The following KDM4C variants were observed in gnomAD, a reference collection of about 807,000 sequenced individuals.
The protein encoded by KDM4C is lysine demethylase 4C.
In KDM4C, 81 loss-of-function variants were observed where a neutral mutation model predicts 129.3. The ratio of observed to expected loss-of-function variants is 0.63; its 90% confidence interval spans 0.52 to 0.75. The LOEUF is 0.75. Among genes scored for constraint, KDM4C ranks in the 30% least tolerant of loss-of-function variants. KDM4C has a pLI of 0.00. For missense variants in KDM4C, 1,457 were observed against 1,304.0 expected, an observed-to-expected ratio of 1.12 and a Z score of -1.81; for synonymous variants, 573 against 456.1, an observed-to-expected ratio of 1.26 and a Z score of -3.26.
intron 9 of KDM4C, 93 bp downstream of exon 9, chr9:6,981,211 A>G (rs545459043): frequency 1.0e-5 from 10 of 958,828 alleles, no homozygotes; most frequent in South Asian, 5.8e-5. Flanking sequence ...TGCTTTTTCT[A>G]TTTATTCATC....
At chr9:7,120,616 T>A (rs1297654998) in intron 18 of KDM4C, among the ~76,000 whole-genome samples, 3 of 152,322 alleles carry the variant, frequency 2.0e-5, no homozygotes, top group African/African-American at 7.2e-5. Flanking sequence ...ACAACATGTC[T>A]TTGGAATCAG....
intron 3 of KDM4C, among the ~76,000 whole-genome samples, chr9:6,807,871 C>T (rs1830359974): frequency 3.4e-5 from 5 of 146,456 alleles, no homozygotes; most frequent in Admixed American, 1.3e-4. Context: ...CCTGGCCAGC[C>T]GCCCCGTCCG....
At chr9:7,063,050 A>G (rs115844755) in intron 17 of KDM4C, among the ~76,000 whole-genome samples, 141 of 152,296 alleles carry the variant, frequency 9.3e-4, no homozygotes, top group African/African-American at 3.3e-3. Context: ...ACTAGAGAAA[A>G]TGTTTCTGTT....
At position 6,970,704 on chromosome 9, in the gene KDM4C, T is replaced by A. The variant is rs551709056; in HGVS notation, c.922-10221T>A. 2.0e-5 allele frequency among the ~76,000 whole-genome samples: 3 copies of A among 152,352 alleles called. No homozygotes were observed. In the South Asian group the frequency reaches 6.2e-4, roughly 32 times the overall value. On this transcript the variant is annotated intron_variant, in intron 8 of 21. Coordinates refer to ENST00000381309, the MANE Select transcript of KDM4C (RefSeq NM_015061.6). ...TAGTTGAGAAGCCATTTTCAACTTA[T>A]GTCCTGTTCTTGGACAAAGGGAAGG...
At chr9:6,744,627 C>T (rs2130276059) in intron 1 of KDM4C, among the ~76,000 whole-genome samples, 1 of 152,268 alleles carries the variant, frequency 6.6e-6, no homozygotes, top group South Asian at 2.1e-4. Context: ...AATTCCTGGC[C>T]TCAAGCAATC....
intron 5 of KDM4C, among the ~76,000 whole-genome samples, chr9:6,868,169 A>T (rs1284082351): frequency 6.6e-6 from 1 of 151,818 alleles, no homozygotes; most frequent in East Asian, 1.9e-4. Context: ...ACCAGATAAA[A>T]AGCCCCCCGA....
intron 15 of KDM4C, among the ~76,000 whole-genome samples, chr9:7,042,051 T>C (rs1045122122): frequency 6.6e-6 from 1 of 152,120 alleles, no homozygotes; most frequent in African/African-American, 2.4e-5. Context: ...GACAATGTTA[T>C]ATTTATGTTA....
rs56306376 is a variant in KDM4C at position 7,087,274 on chromosome 9, CT to C, written c.2425-16401del. Among the ~76,000 whole-genome samples, 120 of 147,368 alleles carry C rather than the reference CT, an allele frequency of 8.1e-4. 1 individual carries two copies. The highest frequency in any genetic ancestry group is 2.4e-3 in the African/African-American group (96 of 40,290). Reference sequence around the variant, plus strand: ...TCCCATTTAGTTTTTAATATGAAGGCTTTTTTTTTTGAAAAAAGAAAAATAT... The same window carrying C: ...TCCCATTTAGTTTTTAATATGAAGGCTTTTTTTTTGAAAAAAGAAAAATAT... On this transcript the variant is annotated intron_variant, in intron 17 of 21. Coordinates refer to ENST00000381309, the MANE Select transcript of KDM4C (RefSeq NM_015061.6).
intron 4 of KDM4C, among the ~76,000 whole-genome samples, chr9:6,848,783 T>C (rs909945020): frequency 1.3e-5 from 2 of 152,226 alleles, no homozygotes; most frequent in African/African-American, 4.8e-5. Context: ...CCATCCATAT[T>C]GTTATACTGT....
intron 4 of KDM4C, among the ~76,000 whole-genome samples, chr9:6,827,848 T>A (rs546583769): frequency 1.0e-3 from 155 of 152,340 alleles, no homozygotes; most frequent in African/African-American, 3.5e-3. Flanking sequence ...CACAGCTCAT[T>A]TATCTGCTAG....
Position 7,169,787 on chromosome 9 carries a change from T to C in KDM4C, c.2902-11T>C. On this transcript the variant is annotated splice_polypyrimidine_tract_variant and intron_variant, in intron 20 of 21. Coordinates refer to ENST00000381309, the MANE Select transcript of KDM4C (RefSeq NM_015061.6). ...TTTTAATATGTATCATGTTATATTATCTTTCATTAGGTTGAGTTTGAAGAT... is the reference window on the plus strand; with the variant it reads ...TTTTAATATGTATCATGTTATATTACCTTTCATTAGGTTGAGTTTGAAGAT... The C allele has an allele frequency of 6.3e-7, 1 of 1,594,500 alleles. No homozygotes were observed. Among genetic ancestry groups the C allele is most frequent in the Non-Finnish European group, 8.6e-7 (1 of 1,164,516 alleles).
intron 9 of KDM4C, 140 bp from the exon 10 acceptor site, chr9:6,984,026 G>A (rs557246933): frequency 6.9e-6 from 4 of 578,512 alleles, no homozygotes; most frequent in African/African-American, 1.9e-5. Flanking sequence ...TCATTCAGTT[G>A]TGAACATTGA....
At chr9:6,826,591 C>T (rs537655560) in intron 4 of KDM4C, among the ~76,000 whole-genome samples, 10 of 152,170 alleles carry the variant, frequency 6.6e-5, no homozygotes, top group African/African-American at 1.7e-4. Flanking sequence ...TTTGGCCGGG[C>T]GCGGTGGCTT....
At chr9:6,870,364 T>A (rs890108938) in intron 5 of KDM4C, among the ~76,000 whole-genome samples, 1 of 151,898 alleles carries the variant, frequency 6.6e-6, no homozygotes, top group African/African-American at 2.4e-5. Context: ...GGAAAATGGG[T>A]TTGGAGAGTA....
intron 1 of KDM4C, among the ~76,000 whole-genome samples, chr9:6,782,739 A>G (rs1340404974): frequency 6.6e-6 from 1 of 152,170 alleles, no homozygotes; most frequent in Non-Finnish European, 1.5e-5. Context: ...ATATTGAGCT[A>G]TTGAAGGGTT....
At chr9:6,990,363 TGTAGTTTG>T (rs1818507547) in intron 11 of KDM4C, 45 bp from the exon 12 acceptor site, 4 of 1,057,520 alleles carry the variant, frequency 3.8e-6, no homozygotes, top group Admixed American at 2.1e-5. Flanking sequence ...TTTTTTTTTT[TGTAGTTTG>T]TTTTTGATAA....
At chr9:6,998,547 G>A (rs1184049473) in intron 12 of KDM4C, among the ~76,000 whole-genome samples, 1 of 152,186 alleles carries the variant, frequency 6.6e-6, no homozygotes, top group Non-Finnish European at 1.5e-5. Flanking sequence ...TGTAATCCCA[G>A]CACTTTGGGA....
At chr9:6,964,046 T>C (rs1830475540) in intron 8 of KDM4C, among the ~76,000 whole-genome samples, 1 of 152,198 alleles carries the variant, frequency 6.6e-6, no homozygotes, top group Admixed American at 6.5e-5. Context: ...TTTACTATTA[T>C]TATTATTTTT....
intron 17 of KDM4C, among the ~76,000 whole-genome samples, chr9:7,098,268 G>T (rs905894429): frequency 2.6e-5 from 4 of 152,014 alleles, no homozygotes; most frequent in South Asian, 2.1e-4. Flanking sequence ...TCTGTCTCTT[G>T]ACCTAGCTGA....
Sources: gnomAD v4.1 joint callset for allele counts (sites outside exome capture counted in the v4.1 genomes callset) on GRCh38, gnomAD v4.1.1 for gene constraint, MANE v1.5 for transcripts, NCBI Gene and HGNC (gene_info 2026-07-23, HGNC 2026-07-21) for gene names.